The following PDSS2 variants were observed in gnomAD, a reference collection of about 807,000 sequenced individuals.
PDSS2 encodes all trans-polyprenyl-diphosphate synthase PDSS2.
A neutral mutation model predicts 44.5 loss-of-function variants in PDSS2; 31 were observed. The observed-to-expected ratio is 0.70, with a 90% CI of 0.52 to 0.94. PDSS2 has a LOEUF of 0.94. Ranked by LOEUF, PDSS2 falls within the 40% of genes least tolerant of loss-of-function variation. The pLI is 0.00. For synonymous variants in PDSS2, 157 were observed against 180.3 expected, an observed-to-expected ratio of 0.87 and a Z score of 1.03; for missense variants, 452 against 482.2, an observed-to-expected ratio of 0.94 and a Z score of 0.59.
At chr6:107,429,270 C>G (rs1781097291) in intron 1 of PDSS2, among the ~76,000 whole-genome samples, 1 of 152,106 alleles carries the variant, frequency 6.6e-6, no homozygotes, top group Non-Finnish European at 1.5e-5. Context: ...AGATAAGCAA[C>G]TAGAGAGGAA....
intron 4 of PDSS2, among the ~76,000 whole-genome samples, chr6:107,217,480 T>G (rs1279293580): frequency 6.6e-6 from 1 of 151,886 alleles, no homozygotes; most frequent in Non-Finnish European, 1.5e-5. Context: ...GGCAAGGAAA[T>G]GGATTTTCCA....
chr6:107,245,701 T>G (rs1774591445), intron 3 of PDSS2, 82 bp from the exon 4 acceptor site: 1 of 875,158 alleles, frequency 1.1e-6, no homozygotes, highest in Non-Finnish European at 1.8e-6. Context: ...GAAGGCTCAG[T>G]GGCAAGGCAG....
At chr6:107,252,090 C>A (rs1774840050) in intron 3 of PDSS2, among the ~76,000 whole-genome samples, 1 of 152,182 alleles carries the variant, frequency 6.6e-6, no homozygotes, top group Non-Finnish European at 1.5e-5. Context: ...CTGAAGAACA[C>A]AGGGCACAGC....
chr6:107,423,043 T>C (rs1045418772), intron 1 of PDSS2, among the ~76,000 whole-genome samples: 4 of 152,064 alleles, frequency 2.6e-5, no homozygotes, highest in Admixed American at 6.5e-5. Flanking sequence ...TGAAAAGATA[T>C]TCATTTTTAG....
intron 1 of PDSS2, among the ~76,000 whole-genome samples, chr6:107,443,387 T>C (rs1157852992): frequency 6.6e-6 from 1 of 152,246 alleles, no homozygotes; most frequent in Non-Finnish European, 1.5e-5. Context: ...TCCTTTGCTT[T>C]TTAAATACAT....
At chr6:107,227,367 C>T (rs1483381129) in intron 4 of PDSS2, among the ~76,000 whole-genome samples, 1 of 147,372 alleles carries the variant, frequency 6.8e-6, no homozygotes, top group Non-Finnish European at 1.5e-5. Context: ...TGGCTCACTG[C>T]AACCTCCGCC....
chr6:107,382,017 T>C (rs1426322992), intron 1 of PDSS2, among the ~76,000 whole-genome samples: 1 of 152,150 alleles, frequency 6.6e-6, no homozygotes, highest in Non-Finnish European at 1.5e-5. Context: ...CTGAAAGTAA[T>C]GGGGAGCCTC....
At chr6:107,400,820 G>GCCCAGCTCTA (rs1052861736) in intron 1 of PDSS2, among the ~76,000 whole-genome samples, 1 of 152,140 alleles carries the variant, frequency 6.6e-6, no homozygotes, top group African/African-American at 2.4e-5. Flanking sequence ...GACTTGCCTG[G>GCCCAGCTCTA]CCCAGCTCTA....
At chr6:107,228,743 C>CA (rs1392656104) in intron 4 of PDSS2, among the ~76,000 whole-genome samples, 3 of 140,052 alleles carry the variant, frequency 2.1e-5, no homozygotes, top group Non-Finnish European at 4.7e-5. Flanking sequence ...AACAAACAAA[C>CA]AAACAAAACA....
At chr6:107,311,451 T>C (rs1777044347) in intron 2 of PDSS2, among the ~76,000 whole-genome samples, 1 of 152,100 alleles carries the variant, frequency 6.6e-6, no homozygotes, top group Admixed American at 6.6e-5. Context: ...CAAGTGCTCC[T>C]CCTGATTCAG....
intron 2 of PDSS2, among the ~76,000 whole-genome samples, chr6:107,294,058 A>C (rs540378738): frequency 6.6e-6 from 1 of 152,272 alleles, no homozygotes; most frequent in East Asian, 1.9e-4. Flanking sequence ...GGGCACAGTA[A>C]GCACTGTAGG....
chr6:107,296,995 G>A (rs2115044485), intron 2 of PDSS2, among the ~76,000 whole-genome samples: 1 of 152,280 alleles, frequency 6.6e-6, no homozygotes, highest in Middle Eastern at 3.4e-3. Context: ...TTTCCCCTCA[G>A]TGCTTGACTG....
intron 1 of PDSS2, among the ~76,000 whole-genome samples, chr6:107,335,254 C>G (rs1582955909): frequency 6.6e-6 from 1 of 151,886 alleles, no homozygotes. Flanking sequence ...CTGTCTATAC[C>G]CTATCTCACA....
rs1772464276 is a variant in PDSS2, at chr6:107,193,842, CT to C, written c.1020del (p.Gly341GlufsTer18). 3 of 1,567,238 alleles carry C rather than the reference CT, an allele frequency of 1.9e-6. No homozygotes were observed. The highest frequency in any genetic ancestry group is 1.1e-5 in the South Asian group (1 of 90,074). On this transcript the variant is annotated frameshift_variant, in exon 7 of 8. Coordinates refer to ENST00000369037, the MANE Select transcript of PDSS2 (RefSeq NM_020381.4). LOFTEE classifies it high-confidence loss of function. The stretch of plus-strand genomic sequence containing the variant: ...CCTACCTTAGCATAGTCCAATCTTC[CT>C]TTTTCTTGAGCCTACAAAAGAAGAG... Reference protein sequence around the residue: ...WIKQIGEAQEKGRLDYAKLRE... With the variant: ...WIKQIGEAQEXGRLDYAKLRE...
intron 1 of PDSS2, among the ~76,000 whole-genome samples, chr6:107,412,233 CTTTTTT>C (rs1169549611): frequency 2.7e-5 from 2 of 73,406 alleles, no homozygotes; most frequent in Non-Finnish European, 5.1e-5. Context: ...GTCCTTTGCT[CTTTTTT>C]TTTTTTTTTT....
intron 7 of PDSS2, among the ~76,000 whole-genome samples, chr6:107,193,414 G>T (rs1016270611): frequency 3.3e-5 from 5 of 152,124 alleles, no homozygotes; most frequent in African/African-American, 1.2e-4. Flanking sequence ...TGGCCCTAAA[G>T]GTTGTCTTCC....
intron 7 of PDSS2, among the ~76,000 whole-genome samples, chr6:107,176,200 C>T (rs531114934): frequency 1.4e-4 from 21 of 152,176 alleles, no homozygotes; most frequent in African/African-American, 5.1e-4. Context: ...CGCCACCACA[C>T]TCAGCTAATT....
intron 4 of PDSS2, among the ~76,000 whole-genome samples, chr6:107,235,313 A>G (rs1301491416): frequency 1.3e-5 from 2 of 152,200 alleles, no homozygotes; most frequent in African/African-American, 4.8e-5. Flanking sequence ...AGAAACTACT[A>G]AAGTCCAGGG....
chr6:107,180,587 G>T (rs1441330736), intron 7 of PDSS2, among the ~76,000 whole-genome samples: 2 of 152,154 alleles, frequency 1.3e-5, no homozygotes, highest in African/African-American at 2.4e-5. Flanking sequence ...TGCACCAGGT[G>T]CTGTAGTAGG....
Sources: gnomAD v4.1 joint callset for allele counts (sites outside exome capture counted in the v4.1 genomes callset) on GRCh38, gnomAD v4.1.1 for gene constraint, MANE v1.5 for transcripts, NCBI Gene and HGNC (gene_info 2026-07-23, HGNC 2026-07-21) for gene names.